The following ECSIT variants were observed in gnomAD, a reference collection of about 807,000 sequenced individuals.
ECSIT encodes ECSIT signaling integrator, also known as evolutionarily conserved signaling intermediate in Toll pathway, mitochondrial.
In ECSIT, 29 loss-of-function variants were observed where a neutral mutation model predicts 36.8. The ratio of observed to expected loss-of-function variants is 0.79; its 90% CI spans 0.59 to 1.08. ECSIT has a LOEUF of 1.08. Ranked by LOEUF, ECSIT falls within the 50% of genes least tolerant of loss-of-function variation. The pLI is 0.00. For synonymous variants in ECSIT, 231 were observed against 234.8 expected, an observed-to-expected ratio of 0.98 and a Z score of 0.15; for missense variants, 542 against 581.0, an observed-to-expected ratio of 0.93 and a Z score of 0.69.
At chr19:11,523,658 A>G (rs1972153635) in intron 1 of ECSIT, 6 of 776,226 alleles carry the variant, frequency 7.7e-6, no homozygotes, top group South Asian at 4.1e-5. Flanking sequence ...CACCAAATCA[A>G]CTTAATTAAG....
intron 4 of ECSIT, among the ~76,000 whole-genome samples, chr19:11,509,617 A>T (rs1296798401): frequency 6.6e-6 from 1 of 151,002 alleles, no homozygotes; most frequent in African/African-American, 2.4e-5. Flanking sequence ...GAAATACAAA[A>T]ATTAGCCAGG....
At chr19:11,507,353 T>C in intron 7 of ECSIT, 104 bp downstream of exon 7, 1 of 888,456 alleles carries the variant, frequency 1.1e-6, no homozygotes, top group Non-Finnish European at 1.9e-6. Flanking sequence ...AATAGTTCAC[T>C]GCAACCTCAA....
chr19:11,524,964 C>T (rs1972183927), intron 1 of ECSIT, among the ~76,000 whole-genome samples: 1 of 151,894 alleles, frequency 6.6e-6, no homozygotes, highest in Admixed American at 6.6e-5. Context: ...TGGTGAAACC[C>T]CGTCTCTACT....
chr19:11,507,611 C>T (rs749390864), intron 6 of ECSIT, 49 bp from the exon 7 acceptor site: 89 of 1,612,796 alleles, frequency 5.5e-5, no homozygotes, highest in Non-Finnish European at 6.7e-5. Flanking sequence ...AGGGCTCTCT[C>T]GGTCTCCCTC....
At chr19:11,521,676 G>A (rs965246520) in intron 1 of ECSIT, among the ~76,000 whole-genome samples, 5 of 152,146 alleles carry the variant, frequency 3.3e-5, no homozygotes, top group Admixed American at 2.0e-4. Flanking sequence ...CTCAGGAGGC[G>A]GAGGCAGGAG....
At chr19:11,507,393 A>C in intron 7 of ECSIT, 64 bp downstream of exon 7, 1 of 1,348,942 alleles carries the variant, frequency 7.4e-7, no homozygotes, top group Non-Finnish European at 1.1e-6. Flanking sequence ...CTCCCACCTC[A>C]GCCTGTAGGA....
rs757072508 is a variant in ECSIT at position 11,514,029 on chromosome 19, C to T, written c.289G>A (p.Ala97Thr). Residue 97 changes from alanine (A) to threonine (T), a missense_variant, in exon 3 of 8, where the codon GCG becomes ACG. By Grantham distance (58) the Ala-to-Thr change is moderately conservative (BLOSUM62 0). Transcript: ENST00000270517. ...ASFLQTVQKF[A>T]EHSVRKRGHI... Reference sequence around the variant, plus strand: ...CCCCGCTTACGCACGCTGTGCTCCGCAAATTTCTGCACCGTCTGCAGGAAG... The same window carrying T: ...CCCCGCTTACGCACGCTGTGCTCCGTAAATTTCTGCACCGTCTGCAGGAAG... 2 of 1,614,116 alleles carry T rather than the reference C, an allele frequency of 1.2e-6. No homozygotes were observed. Among genetic ancestry groups the T allele is most frequent in the Admixed American group, 3.3e-5 (2 of 60,004 alleles).
chr19:11,527,964 C>A (rs1972249309), intron 1 of ECSIT, among the ~76,000 whole-genome samples: 1 of 152,132 alleles, frequency 6.6e-6, no homozygotes, highest in South Asian at 2.1e-4. Context: ...TGCACCACTG[C>A]ACTCCAGGCT....
Position 11,514,003 on chromosome 19 carries a change from G to C in ECSIT, c.315C>G (p.Gly105=), listed in dbSNP as rs763311054. ...KFAEHSVRKR[G]HIDFIYLALR... Reference sequence around the variant, plus strand: ...GGGCCAGGTAGATGAAGTCAATGTGGCCCCGCTTACGCACGCTGTGCTCCG... The same window carrying C: ...GGGCCAGGTAGATGAAGTCAATGTGCCCCCGCTTACGCACGCTGTGCTCCG... The change falls in exon 3 of 8, where the codon GGC becomes GGG. Residue 105 remains glycine (G), a synonymous_variant. Coordinates refer to ENST00000270517, the MANE Select transcript of ECSIT (RefSeq NM_016581.5). 1.2e-6 allele frequency: 2 copies of C among 1,614,230 alleles called. No homozygotes were observed.
chr19:11,511,051 C>T (rs2144972564), intron 4 of ECSIT, among the ~76,000 whole-genome samples: 1 of 152,134 alleles, frequency 6.6e-6, no homozygotes, highest in South Asian at 2.1e-4. Context: ...GCTCCCTCTG[C>T]CCAGCGTCCT....
chr19:11,518,988 G>A, intron 2 of ECSIT, 87 bp downstream of exon 2: 1 of 1,149,866 alleles, frequency 8.7e-7, no homozygotes, highest in Non-Finnish European at 1.3e-6. Flanking sequence ...CACCAGAACT[G>A]GCTTCACAGA....
chr19:11,522,104 A>C, intron 1 of ECSIT: 1 of 363,924 alleles, frequency 2.7e-6, no homozygotes, highest in Non-Finnish European at 5.3e-6. Flanking sequence ...CACTTCTGGT[A>C]CTTTGTATCT....
Position 11,519,040 on chromosome 19 carries a change from C to T in ECSIT, c.96+35G>A, listed in dbSNP as rs1023659898. The T allele has an allele frequency of 1.3e-6, 2 of 1,526,462 alleles. No homozygotes were observed. The highest frequency in any genetic ancestry group is 2.8e-5 in the African/African-American group (2 of 72,678). The allele number at this position is 1,526,462 out of a possible 1,614,324, so 94.6% of individuals were successfully genotyped here. A position where few individuals can be genotyped will look rare whatever the true frequency, so the allele number is the denominator to read the frequency against. ...TTGGGAGCAAATCCCAAGCTTACCT[C>T]CCTCTACCCAAAAGACTGCCTGGCT... On this transcript the variant is annotated intron_variant, in intron 2 of 7. Transcript: ENST00000270517. This position sits in a 1 kb window ranked among gnomAD's most constrained non-coding sequence, Gnocchi z 4.4.
rs556662543 is a variant in ECSIT, at chr19:11,513,864, C to T, written c.454G>A (p.Val152Ile). The change falls in exon 3 of 8, where the codon GTC becomes ATC. Residue 152 changes from valine to isoleucine, a missense_variant. Physicochemically the swap from Val to Ile is conservative, Grantham distance 29. Coordinates refer to ENST00000270517, the MANE Select transcript of ECSIT (RefSeq NM_016581.5). The part of the protein sequence containing the change: ...RPRNIIQRIF[V>I]HYPRQQECGI... The stretch of plus-strand genomic sequence containing the variant: ...CACTCCTGCTGCCGAGGGTAGTGGA[C>T]GAAGATGCGCTGGATGATGTTGCGA... The T allele has an allele frequency of 4.7e-5, 76 of 1,614,106 alleles. 1 individual carries two copies. In the South Asian group the frequency reaches 7.4e-4, roughly 16 times the overall value.
At chr19:11,512,955 G>A in intron 4 of ECSIT, 101 bp downstream of exon 4, 1 of 1,231,190 alleles carries the variant, frequency 8.1e-7, no homozygotes, top group Non-Finnish European at 1.2e-6. Flanking sequence ...AAAAGAACTT[G>A]ATTCACCACA....
At chr19:11,525,066 G>T (rs899129426) in intron 1 of ECSIT, among the ~76,000 whole-genome samples, 1 of 152,174 alleles carries the variant, frequency 6.6e-6, no homozygotes, top group African/African-American at 2.4e-5. Flanking sequence ...GGACCTGGGA[G>T]ACAGAGGTTG....
chr19:11,521,160 T>G (rs1972095039), intron 1 of ECSIT, among the ~76,000 whole-genome samples: 1 of 152,188 alleles, frequency 6.6e-6, no homozygotes, highest in Admixed American at 6.6e-5. Context: ...ATTTTATTTA[T>G]GCATTCATCA....
At chr19:11,515,390 C>T (rs1019353778) in intron 2 of ECSIT, among the ~76,000 whole-genome samples, 1 of 152,096 alleles carries the variant, frequency 6.6e-6, no homozygotes, top group African/African-American at 2.4e-5. Context: ...GCATGAGCCA[C>T]CGCGCCCGGC....
intron 3 of ECSIT, 115 bp downstream of exon 3, chr19:11,513,689 G>T: frequency 7.9e-7 from 1 of 1,259,758 alleles, no homozygotes; most frequent in Non-Finnish European, 1.1e-6. Context: ...AGAGGGAGAA[G>T]AGCGAGAGAG....
Sources: allele counts gnomAD v4.1 joint callset (sites outside exome capture counted in the v4.1 genomes callset), GRCh38; gene constraint gnomAD v4.1.1; non-coding constraint Gnocchi (gnomAD v3.1); transcripts MANE v1.5; gene names NCBI Gene and HGNC (gene_info 2026-07-23, HGNC 2026-07-21).